The following RGS5 variants were observed in gnomAD, a reference collection of about 807,000 sequenced individuals.
RGS5 encodes regulator of G protein signaling 5, also known as regulator of G-protein signalling 5.
A neutral mutation model predicts 18.9 loss-of-function variants in RGS5; 20 were observed. The observed-to-expected ratio is 1.06, with a 90% CI of 0.74 to 1.54. RGS5 has a LOEUF of 1.54. Among genes scored for constraint, RGS5 ranks in the 40% most tolerant of loss-of-function variants. The pLI is 0.00. For missense variants in RGS5, 201 were observed against 211.8 expected (o/e 0.95, Z 0.32); for synonymous variants, 57 against 76.2 (o/e 0.75, Z 1.31).
intron 2 of RGS5, among the ~76,000 whole-genome samples, chr1:163,241,183 T>C (rs1647783866): frequency 6.6e-6 from 1 of 152,366 alleles, no homozygotes; most frequent in Admixed American, 6.5e-5. Context: ...TTGTATTATG[T>C]GTTCATTTGA....
intron 2 of RGS5, among the ~76,000 whole-genome samples, chr1:163,236,246 C>T (rs1647619475): frequency 1.3e-5 from 2 of 152,072 alleles, no homozygotes; most frequent in South Asian, 4.2e-4. Context: ...TTGACACTCT[C>T]AACCTTCTGC....
intron 4 of RGS5, among the ~76,000 whole-genome samples, chr1:163,149,382 G>A (rs1341698797): frequency 6.6e-6 from 1 of 152,140 alleles, no homozygotes; most frequent in Non-Finnish European, 1.5e-5. Context: ...GAGCTTGGTA[G>A]ACAGGCTTAT....
intron 2 of RGS5, among the ~76,000 whole-genome samples, chr1:163,262,859 T>C (rs16851566): frequency 0.088 from 13,463 of 152,242 alleles, 660 homozygotes; most frequent in African/African-American, 0.13. Context: ...TACATTACTG[T>C]TATTCACATC....
chr1:163,147,443 T>G lies in RGS5; in HGVS notation c.445A>C (p.Ser149Arg), dbSNP rs1311567901. 2 of 1,612,616 alleles carry G rather than the reference T, an allele frequency of 1.2e-6. No homozygotes were observed. Among genetic ancestry groups the G allele is most frequent in the Non-Finnish European group, 1.7e-6 (2 of 1,179,316 alleles). The change falls in exon 5 of 5, where the codon AGC becomes CGC. Residue 149 changes from serine (S) to arginine (R), a missense_variant. Physicochemically the swap from Ser to Arg is moderately radical, Grantham distance 110. Transcript: ENST00000313961. ...CTTTTCTGGGCCATGTCAAAGCTGC[T>G]CAGGGAAGGTTCCACCAGGTTCTTC... ...TMKNLVEPSL[S>R]SFDMAQKRIH...
chr1:163,202,543 T>C (rs989176179), intron 1 of RGS5, among the ~76,000 whole-genome samples: 9 of 152,186 alleles, frequency 5.9e-5, no homozygotes, highest in Non-Finnish European at 1.2e-4. Context: ...GGCATCTCCT[T>C]GAAGGAAATG....
chr1:163,254,452 T>C (rs955057336), intron 2 of RGS5, among the ~76,000 whole-genome samples: 3 of 151,968 alleles, frequency 2.0e-5, no homozygotes, highest in Non-Finnish European at 2.9e-5. Context: ...ATGTCTTCTT[T>C]TGAGAAGTGT....
intron 1 of RGS5, among the ~76,000 whole-genome samples, chr1:163,191,058 G>T (rs1659331515): frequency 6.6e-6 from 1 of 152,120 alleles, no homozygotes; most frequent in Non-Finnish European, 1.5e-5. Context: ...AGTGGACATG[G>T]GAGTACTACA....
chr1:163,219,165 A>G (rs1440017585), upstream of RGS5, among the ~76,000 whole-genome samples: 1 of 152,156 alleles, frequency 6.6e-6, no homozygotes, highest in Non-Finnish European at 1.5e-5. Flanking sequence ...GGAGAGCTCT[A>G]CGGATTTTCA....
At chr1:163,265,022 C>T (rs897790138) in intron 2 of RGS5, among the ~76,000 whole-genome samples, 6 of 152,092 alleles carry the variant, frequency 3.9e-5, no homozygotes, top group African/African-American at 1.2e-4. Flanking sequence ...ATATTACATA[C>T]TTGTGTATAT....
chr1:163,271,637 C>T (rs1441069894), intron 2 of RGS5, among the ~76,000 whole-genome samples: 1 of 152,172 alleles, frequency 6.6e-6, no homozygotes, highest in Non-Finnish European at 1.5e-5. Flanking sequence ...TTTTACTTTT[C>T]ATTCCTGAGT....
At chr1:163,261,775 G>A (rs1254319156) in intron 2 of RGS5, among the ~76,000 whole-genome samples, 3 of 152,224 alleles carry the variant, frequency 2.0e-5, no homozygotes, top group Non-Finnish European at 2.9e-5. Context: ...GGCTTATATA[G>A]AACTATTAGC....
intron 2 of RGS5, among the ~76,000 whole-genome samples, chr1:163,243,352 A>C (rs1647839707): frequency 6.6e-6 from 1 of 152,134 alleles, no homozygotes; most frequent in Admixed American, 6.5e-5. Context: ...GCAGGGCTTA[A>C]AACCTAGATG....
In RGS5 at chr1:163,148,416, T is replaced by C. The variant is rs560728658; in HGVS notation, c.385-913A>G. On this transcript the variant is annotated intron_variant, in intron 4 of 4. Coordinates refer to ENST00000313961, the MANE Select transcript of RGS5 (RefSeq NM_003617.4). ...CTGACAGAATAATAATGAAAACAGC[T>C]AACAGCAATTAACATTTATTGAGTG... Among the ~76,000 whole-genome samples the C allele has an allele frequency of 7.8e-4, 119 of 152,290 alleles. No individual in the cohort carries two copies. In the Middle Eastern group the frequency reaches 0.01, roughly 13 times the overall value.
chr1:163,286,394 A>G lies in RGS5; in HGVS notation c.-281+19839T>C, dbSNP rs376210460. Among the ~76,000 whole-genome samples the G allele has an allele frequency of 1.6e-4, 24 of 152,248 alleles. No homozygotes were observed. In the East Asian group the frequency reaches 3.7e-3, roughly 23 times the overall value. On this transcript the variant is annotated intron_variant, in intron 2 of 5. Coordinates refer to the RGS5 transcript ENST00000618415. ...AAACTGAGGAAGACCATACACATAT[A>G]TGAATAGATCATGTAATTACATATG...
At chr1:163,242,028 C>T (rs2101691854) in intron 2 of RGS5, among the ~76,000 whole-genome samples, 1 of 152,286 alleles carries the variant, frequency 6.6e-6, no homozygotes. Flanking sequence ...TCACAGCTAG[C>T]ACTGGAATAA....
intron 2 of RGS5, among the ~76,000 whole-genome samples, chr1:163,243,944 T>C (rs1444250868): frequency 2.0e-5 from 3 of 152,180 alleles, no homozygotes; most frequent in African/African-American, 7.2e-5. Flanking sequence ...TGTGTAACTT[T>C]GCTTAAGATA....
chr1:163,149,975 T>C (rs890560042), intron 4 of RGS5, among the ~76,000 whole-genome samples: 5 of 152,362 alleles, frequency 3.3e-5, no homozygotes, highest in Non-Finnish European at 7.3e-5. Flanking sequence ...GCTAGAGACT[T>C]GCCCAAAGTC....
intron 2 of RGS5, among the ~76,000 whole-genome samples, chr1:163,273,148 G>A (rs1648764805): frequency 6.6e-6 from 1 of 151,936 alleles, no homozygotes; most frequent in Non-Finnish European, 1.5e-5. Context: ...GTATTTAGTG[G>A]CCCAGTACAT....
chr1:163,205,568 A>C (rs1356029782), upstream of RGS5, among the ~76,000 whole-genome samples: 2 of 152,166 alleles, frequency 1.3e-5, no homozygotes, highest in Non-Finnish European at 2.9e-5. Context: ...TGGAATGTGA[A>C]AAGAGGTGAG....
Sources: allele counts gnomAD v4.1 joint callset (sites outside exome capture counted in the v4.1 genomes callset), GRCh38; gene constraint gnomAD v4.1.1; transcripts MANE v1.5; gene names NCBI Gene and HGNC (gene_info 2026-07-23, HGNC 2026-07-21).